The following TMTC1 variants were observed in gnomAD, a reference collection of about 807,000 sequenced individuals.
TMTC1 encodes the protein protein O-mannosyl-transferase TMTC1.
TMTC1 carries 73 observed loss-of-function variants against 104.8 expected under a neutral mutation model. The observed-to-expected ratio is 0.70, with a 90% CI of 0.58 to 0.85. TMTC1 has a LOEUF of 0.85. Among genes scored for constraint, TMTC1 ranks in the 40% least tolerant of loss-of-function variants. The pLI is 0.00. For synonymous variants in TMTC1, 434 were observed against 428.7 expected (o/e 1.01, Z -0.15); for missense variants, 1,035 against 1,096.1 (o/e 0.94, Z 0.79).
chr12:29,719,318 T>G (rs953600244), intron 5 of TMTC1, among the ~76,000 whole-genome samples: 1 of 152,166 alleles, frequency 6.6e-6, no homozygotes, highest in African/African-American at 2.4e-5. Context: ...TTCTTGGAAT[T>G]TCTTCTTTGT....
At chr12:29,544,861 C>T (rs1944898753) in intron 10 of TMTC1, among the ~76,000 whole-genome samples, 1 of 152,268 alleles carries the variant, frequency 6.6e-6, no homozygotes, top group African/African-American at 2.4e-5. Flanking sequence ...TGGGTTTAGG[C>T]TCAGGCTTGG....
At chr12:29,535,992 C>T in intron 11 of TMTC1, 1 of 529,602 alleles carries the variant, frequency 1.9e-6, no homozygotes, top group South Asian at 2.4e-5. Context: ...TATCAATGGC[C>T]AATAACGGAC....
intron 3 of TMTC1, among the ~76,000 whole-genome samples, chr12:29,758,496 C>T (rs975693202): frequency 1.1e-4 from 17 of 152,238 alleles, no homozygotes; most frequent in African/African-American, 4.1e-4. Flanking sequence ...AAAGCAATCC[C>T]TTTAAGGTGC....
chr12:29,554,359 GTTT>G (rs140045877), intron 10 of TMTC1, among the ~76,000 whole-genome samples: 1 of 146,556 alleles, frequency 6.8e-6, no homozygotes, highest in African/African-American at 2.5e-5. Flanking sequence ...TTCCTTTCTT[GTTT>G]TTTTTTTAAT....
rs138501126 is a variant in TMTC1, at chr12:29,648,030, T to C, written c.939-14694A>G. ...GAAGCCATACTTGGGCTTTTGTTTT[T>C]ATCCTTAATCCCAGATTTACAAGAG... On this transcript the variant is annotated intron_variant, in intron 5 of 17. Transcript: ENST00000539277. 2.4e-3 allele frequency among the ~76,000 whole-genome samples: 364 copies of C among 152,358 alleles called. 2 individuals carry two copies. Among genetic ancestry groups the C allele is most frequent in the African/African-American group, 8.3e-3 (347 of 41,592 alleles).
At chr12:29,752,375 A>G (rs1943113229) in intron 4 of TMTC1, among the ~76,000 whole-genome samples, 1 of 152,220 alleles carries the variant, frequency 6.6e-6, no homozygotes, top group African/African-American at 2.4e-5. Context: ...TAAACATCTG[A>G]TACTACCAAG....
intron 6 of TMTC1, among the ~76,000 whole-genome samples, chr12:29,610,172 G>A (rs776748522): frequency 2.6e-5 from 4 of 152,156 alleles, no homozygotes; most frequent in South Asian, 2.1e-4. Flanking sequence ...GTGAAAACAC[G>A]GGGACAGGGC....
intron 7 of TMTC1, among the ~76,000 whole-genome samples, chr12:29,586,045 A>C (rs1426472002): frequency 6.6e-6 from 1 of 152,004 alleles, no homozygotes; most frequent in Non-Finnish European, 1.5e-5. Flanking sequence ...GGCCATTTTC[A>C]CGATATTGAT....
intron 10 of TMTC1, among the ~76,000 whole-genome samples, chr12:29,543,004 A>G (rs918542972): frequency 1.3e-5 from 2 of 152,144 alleles, no homozygotes; most frequent in Admixed American, 6.5e-5. Context: ...CAACTCTCTC[A>G]TGTTTCCCCC....
At chr12:29,778,601 T>C (rs1943764834) in intron 1 of TMTC1, among the ~76,000 whole-genome samples, 1 of 152,252 alleles carries the variant, frequency 6.6e-6, no homozygotes, top group Non-Finnish European at 1.5e-5. Context: ...TTTGATTCTG[T>C]ACCACTATGG....
intron 5 of TMTC1, among the ~76,000 whole-genome samples, chr12:29,700,496 G>C (rs2136793907): frequency 6.6e-6 from 1 of 152,132 alleles, no homozygotes; most frequent in East Asian, 1.9e-4. Context: ...CACCGCACCA[G>C]GCCTTGGATA....
intron 5 of TMTC1, among the ~76,000 whole-genome samples, chr12:29,643,572 AAT>A (rs1938994562): frequency 6.9e-5 from 6 of 87,386 alleles, no homozygotes; most frequent in South Asian, 5.9e-4. Flanking sequence ...TATAATATAT[AAT>A]ATATGTCATA....
At chr12:29,691,456 T>TCTCTATCCCCTTCG in intron 5 of TMTC1, among the ~76,000 whole-genome samples, 1 of 108,984 alleles carries the variant, frequency 9.2e-6, no homozygotes, top group Non-Finnish European at 2.0e-5. Context: ...TAAAACTGGT[T>TCTCTATCCCCTTCG]TCCCACACAG....
chr12:29,626,297 T>C (rs939270397), intron 6 of TMTC1, among the ~76,000 whole-genome samples: 4 of 152,026 alleles, frequency 2.6e-5, no homozygotes, highest in African/African-American at 9.7e-5. Context: ...GAACTTGAAG[T>C]TTAAGTGAAG....
intron 5 of TMTC1, among the ~76,000 whole-genome samples, chr12:29,717,279 T>C (rs1026052286): frequency 2.6e-5 from 4 of 152,116 alleles, no homozygotes; most frequent in Admixed American, 2.6e-4. Context: ...GTTCACGGGA[T>C]TTCAAAATAA....
At chr12:29,617,171 G>A (rs949856617) in intron 6 of TMTC1, among the ~76,000 whole-genome samples, 3 of 151,702 alleles carry the variant, frequency 2.0e-5, no homozygotes, top group Admixed American at 1.3e-4. Flanking sequence ...GGTATGTGAC[G>A]GCTCACTCCA....
chr12:29,771,977 T>A (rs755694487), intron 1 of TMTC1, among the ~76,000 whole-genome samples: 1 of 152,162 alleles, frequency 6.6e-6, no homozygotes, highest in South Asian at 2.1e-4. Flanking sequence ...GGCATTCAGA[T>A]GAATGAATAA....
intron 5 of TMTC1, among the ~76,000 whole-genome samples, chr12:29,700,836 T>C (rs1941568583): frequency 6.6e-6 from 1 of 152,192 alleles, no homozygotes; most frequent in Non-Finnish European, 1.5e-5. Flanking sequence ...TCACAGCCAA[T>C]GCCTGGCATA....
At chr12:29,521,457 A>T (rs1944155737) in intron 11 of TMTC1, among the ~76,000 whole-genome samples, 1 of 152,014 alleles carries the variant, frequency 6.6e-6, no homozygotes, top group Non-Finnish European at 1.5e-5. Flanking sequence ...CTCTCATTCT[A>T]GGGCTCCAAT....
Sources: allele counts gnomAD v4.1 joint callset (sites outside exome capture counted in the v4.1 genomes callset), GRCh38; gene constraint gnomAD v4.1.1; transcripts MANE v1.5; gene names NCBI Gene and HGNC (gene_info 2026-07-23, HGNC 2026-07-21).